FBXL8: variants seen among roughly 807,000 people sequenced by gnomAD.
FBXL8 encodes F-box/LRR-repeat protein 8.
Under a neutral mutation model 8.2 loss-of-function variants are expected in FBXL8, and 13 were observed. The observed-to-expected ratio is 1.58, with a 90% CI of 1.03 to 2.51. FBXL8 has a LOEUF of 2.51. Among genes scored for constraint, FBXL8 ranks in the 30% most tolerant of loss-of-function variants. The pLI is 0.00. For synonymous variants in FBXL8, 271 were observed against 260.5 expected, an observed-to-expected ratio of 1.04 and a Z score of -0.39; for missense variants, 565 against 540.4, an observed-to-expected ratio of 1.05 and a Z score of -0.45.
rs142827853 is a variant in FBXL8, at chr16:67,161,869, C to T, written c.84C>T (p.Ala28=). 124 of 1,610,654 alleles carry T rather than the reference C, an allele frequency of 7.7e-5. No homozygotes were observed. The highest frequency in any genetic ancestry group is 1.6e-4 in the Middle Eastern group (1 of 6,078). ...RHLSLRDRAA[A]ARVCRAWAAA... is the part of the protein sequence containing the mutation. ...TGTCCCTGAGAGACCGTGCTGCCGCCGCCAGGGTCTGCAGGGCCTGGGCCG... is the reference window on the plus strand; with the variant it reads ...TGTCCCTGAGAGACCGTGCTGCCGCTGCCAGGGTCTGCAGGGCCTGGGCCG... The change falls in exon 2 of 3, where the codon GCC becomes GCT. Residue 28 remains alanine (A), a synonymous_variant. Transcript: ENST00000258200.
In FBXL8 at chr16:67,163,322, A is replaced by G. The variant is rs762093790; in HGVS notation, c.627A>G (p.Glu209=). The G allele has an allele frequency of 7.6e-6, 12 of 1,572,806 alleles. No individual in the cohort carries two copies. Among genetic ancestry groups the G allele is most frequent in the Non-Finnish European group, 9.5e-6 (11 of 1,162,906 alleles). The part of the protein sequence containing the change: ...HLASLSHAIL[E]ALAAPDRAPF... ...CCAGTTTGTCGCACGCCATCCTCGA[A>G]GCACTGGCGGCGCCAGACCGAGCGC... The change falls in exon 3 of 3, where the codon GAA becomes GAG. Residue 209 remains glutamate, a synonymous_variant. Transcript: ENST00000258200.
In FBXL8 at chr16:67,163,672, G is replaced by GCTGCGCGGCC; in HGVS notation, c.985_994dup (p.Glu332GlyfsTer76). Reference sequence around the variant, plus strand: ...GCCGCGCTGGAGGAGCTGGCGGCGCGCTGCGCGGCCCTGCGCGAGGTGCAT... The same window carrying GCTGCGCGGCC: ...GCCGCGCTGGAGGAGCTGGCGGCGCGCTGCGCGGCCCTGCGCGGCCCTGCGCGAGGTGCAT... On this transcript the variant is annotated frameshift_variant, in exon 3 of 3. Coordinates refer to ENST00000258200, the MANE Select transcript of FBXL8 (RefSeq NM_018378.3). LOFTEE classifies it high-confidence loss of function. 1 of 1,576,436 alleles carries GCTGCGCGGCC rather than the reference G, an allele frequency of 6.3e-7. No homozygotes were observed. The highest frequency in any genetic ancestry group is 2.3e-5 in the East Asian group (1 of 42,952).
intron 2 of FBXL8, chr16:67,162,195 G>A: frequency 2.5e-6 from 1 of 406,662 alleles, no homozygotes; most frequent in Admixed American, 4.1e-5. Flanking sequence ...CGGGCATGGT[G>A]GTGGGCGCCT....
In FBXL8 at chr16:67,163,320, G is replaced by C. The variant is rs375713237; in HGVS notation, c.625G>C (p.Glu209Gln). Residue 209 changes from glutamate to glutamine, a missense_variant, in exon 3 of 3, where the codon GAA becomes CAA. Glu to Gln is a conservative substitution (Grantham distance 29, BLOSUM62 2). Transcript: ENST00000258200. ...HLASLSHAIL[E>Q]ALAAPDRAPF... is the part of the protein sequence containing the mutation. ...AGCCAGTTTGTCGCACGCCATCCTC[G>C]AAGCACTGGCGGCGCCAGACCGAGC... The C allele has an allele frequency of 6.4e-7, 1 of 1,573,492 alleles. No individual in the cohort carries two copies. Among genetic ancestry groups the C allele is most frequent in the Non-Finnish European group, 8.6e-7 (1 of 1,163,162 alleles).
Position 67,161,988 on chromosome 16 carries a change from G to T in FBXL8, c.152+51G>T, listed in dbSNP as rs566647316. 3.3e-6 allele frequency: 5 copies of T among 1,524,066 alleles called. No homozygotes were observed. In the Admixed American group the frequency reaches 1.0e-4, roughly 31 times the overall value. The allele number at this position is 1,524,066 out of a possible 1,614,324, so 94.4% of individuals were successfully genotyped here. A position where few individuals can be genotyped will look rare whatever the true frequency, so the allele number is the denominator to read the frequency against. On this transcript the variant is annotated intron_variant, in intron 2 of 2. Coordinates refer to ENST00000258200, the MANE Select transcript of FBXL8 (RefSeq NM_018378.3). The stretch of plus-strand genomic sequence containing the variant: ...TCCCCACCGCCCACTCACCTTCTCC[G>T]TGGAGTCGTGGGCTAGGTAGATATT...
rs1287380668 is a variant in FBXL8 at position 67,163,159 on chromosome 16, T to G, written c.464T>G (p.Leu155Arg). ...TTCACACTGGACGACGCGCTGGTGC[T>G]GCAGGCGGCGCGCAGCTGTCCCGAG... ...LSFTLDDALV[L>R]QAARSCPELH... Residue 155 changes from leucine to arginine, a missense_variant, in exon 3 of 3, where the codon CTG becomes CGG. Physicochemically the swap from Leu to Arg is moderately radical, Grantham distance 102. Coordinates refer to ENST00000258200, the MANE Select transcript of FBXL8 (RefSeq NM_018378.3). The G allele has an allele frequency of 1.3e-6, 2 of 1,565,524 alleles. No homozygotes were observed. Among genetic ancestry groups the G allele is most frequent in the Non-Finnish European group, 1.7e-6 (2 of 1,156,486 alleles).
chr16:67,164,066 C>T lies in FBXL8; in HGVS notation c.*246C>T. 1 of 705,014 alleles carries T rather than the reference C, an allele frequency of 1.4e-6. No individual in the cohort carries two copies. Among genetic ancestry groups the T allele is most frequent in the Non-Finnish European group, 2.6e-6 (1 of 390,448 alleles). 43.7% of individuals were successfully genotyped at this position (705,014 alleles called of 1,614,324 possible). ...GACACACTGCCCCCCTCTCTTGCCT[C>T]CACCCCTCTGCGGACTCTGCAGCTC... On this transcript the variant is annotated 3_prime_UTR_variant, in exon 3 of 3. Coordinates refer to ENST00000258200, the MANE Select transcript of FBXL8 (RefSeq NM_018378.3).
chr16:67,161,418 G>A (rs1224382181), intron 1 of FBXL8, among the ~76,000 whole-genome samples: 1 of 151,000 alleles, frequency 6.6e-6, no homozygotes, highest in Non-Finnish European at 1.5e-5. Flanking sequence ...ACTCCAGCCT[G>A]GGTAAAGAGC....
rs1385732231 is a variant in FBXL8, at chr16:67,164,051, C to T, written c.*231C>T. The T allele has an allele frequency of 1.4e-6, 1 of 715,608 alleles. No individual in the cohort carries two copies. 44.3% of individuals were successfully genotyped at this position (715,608 alleles called of 1,614,324 possible). The stretch of plus-strand genomic sequence containing the variant: ...ACCCGCTCGGTCCTGGACACACTGC[C>T]CCCCTCTCTTGCCTCCACCCCTCTG... On this transcript the variant is annotated 3_prime_UTR_variant, in exon 3 of 3. Coordinates refer to ENST00000258200, the MANE Select transcript of FBXL8 (RefSeq NM_018378.3).
In FBXL8 at chr16:67,163,640, G is replaced by T; in HGVS notation, c.945G>T (p.Glu315Asp). The T allele has an allele frequency of 6.4e-7, 1 of 1,567,530 alleles. No individual in the cohort carries two copies. ...ALEVRAAASA[E>D]LNAALEELAA... Reference sequence around the variant, plus strand: ...AGGTGCGCGCAGCCGCTTCGGCCGAGCTGAACGCCGCGCTGGAGGAGCTGG... The same window carrying T: ...AGGTGCGCGCAGCCGCTTCGGCCGATCTGAACGCCGCGCTGGAGGAGCTGG... Residue 315 changes from glutamate to aspartate, a missense_variant, in exon 3 of 3, where the codon GAG becomes GAT. Transcript: ENST00000258200.
In FBXL8 at chr16:67,163,155, G is replaced by C; in HGVS notation, c.460G>C (p.Val154Leu). The C allele has an allele frequency of 3.8e-6, 6 of 1,567,300 alleles. No individual in the cohort carries two copies. The highest frequency in any genetic ancestry group is 5.2e-6 in the Non-Finnish European group (6 of 1,157,386). The change falls in exon 3 of 3, where the codon GTG (valine) becomes CTG (leucine). Residue 154 changes from valine (V) to leucine (L), a missense_variant. Physicochemically the swap from Val to Leu is conservative, Grantham distance 32. Coordinates refer to ENST00000258200, the MANE Select transcript of FBXL8 (RefSeq NM_018378.3). ...RLSFTLDDAL[V>L]LQAARSCPEL... ...GTCCTTCACACTGGACGACGCGCTGGTGCTGCAGGCGGCGCGCAGCTGTCC... is the reference window on the plus strand; with the variant it reads ...GTCCTTCACACTGGACGACGCGCTGCTGCTGCAGGCGGCGCGCAGCTGTCC...
chr16:67,163,769 C>T lies in FBXL8; in HGVS notation c.1074C>T (p.Thr358=), dbSNP rs756924028. 2 of 1,579,084 alleles carry T rather than the reference C, an allele frequency of 1.3e-6. No homozygotes were observed. The highest frequency in any genetic ancestry group is 1.7e-6 in the Non-Finnish European group (2 of 1,172,274). ...ACTGCCCGCGCCTGCGCACCTATAC[C>T]CTCAAGCTCACGCGCGAGCCGCATC... The part of the protein sequence containing the change: ...RAHCPRLRTY[T]LKLTREPHPW... Residue 358 remains threonine, a synonymous_variant, in exon 3 of 3, where the codon ACC becomes ACT. Coordinates refer to ENST00000258200, the MANE Select transcript of FBXL8 (RefSeq NM_018378.3).
In FBXL8 at chr16:67,163,242, G is replaced by A; in HGVS notation, c.547G>A (p.Val183Met). ...TLVGSVGPGS[V>M]LELLEACPRL... ...AGTGGGCAGCGTGGGTCCCGGCTCA[G>A]TGCTCGAGCTACTGGAGGCCTGCCC... Residue 183 changes from valine to methionine, a missense_variant, in exon 3 of 3, where the codon GTG becomes ATG. Transcript: ENST00000258200. 6.4e-7 allele frequency: 1 copy of A among 1,566,682 alleles called. No individual in the cohort carries two copies. The highest frequency in any genetic ancestry group is 1.2e-5 in the South Asian group (1 of 86,022).
chr16:67,161,697 G>C, intron 1 of FBXL8, 38 bp from the exon 2 acceptor site: 1 of 1,430,838 alleles, frequency 7.0e-7, no homozygotes, highest in Non-Finnish European at 9.2e-7. Context: ...GCAACACTTT[G>C]CGCCTTCCCG....
intron 2 of FBXL8, 117 bp from the exon 3 acceptor site, chr16:67,162,731 G>C: frequency 7.2e-7 from 1 of 1,385,204 alleles, no homozygotes; most frequent in Middle Eastern, 2.0e-4. Context: ...ACAGAGACGT[G>C]GGGAGGGAGG....
chr16:67,160,040 T>C lies in FBXL8; in HGVS notation c.-68T>C, dbSNP rs2145911102. 6.6e-6 allele frequency: 1 copy of C among 152,352 alleles called. No individual in the cohort carries two copies. The highest frequency in any genetic ancestry group is 2.1e-4 in the South Asian group (1 of 4,830). The allele number at this position is 152,352 out of a possible 1,614,324, so 9.4% of individuals were successfully genotyped here. ...AGTCCCCTGCCCCGGGCAAAGCCCATCTGGTCCGCCGAGCAGGTAAGACAC... is the reference window on the plus strand; with the variant it reads ...AGTCCCCTGCCCCGGGCAAAGCCCACCTGGTCCGCCGAGCAGGTAAGACAC... On this transcript the variant is annotated 5_prime_UTR_variant, in exon 1 of 3. Transcript: ENST00000258200.
Position 67,163,624 on chromosome 16 carries a change from C to T in FBXL8, c.929C>T (p.Ala310Val). 1 of 1,564,990 alleles carries T rather than the reference C, an allele frequency of 6.4e-7. No homozygotes were observed. The highest frequency in any genetic ancestry group is 8.6e-7 in the Non-Finnish European group (1 of 1,165,566). ...AATLCALEVR[A>V]AASAELNAAL... is the part of the protein sequence containing the mutation. ...ACCCTGTGCGCGCTCGAGGTGCGCGCAGCCGCTTCGGCCGAGCTGAACGCC... is the reference window on the plus strand; with the variant it reads ...ACCCTGTGCGCGCTCGAGGTGCGCGTAGCCGCTTCGGCCGAGCTGAACGCC... The change falls in exon 3 of 3, where the codon GCA (alanine) becomes GTA (valine). Residue 310 changes from alanine to valine, a missense_variant. Coordinates refer to ENST00000258200, the MANE Select transcript of FBXL8 (RefSeq NM_018378.3).
rs549741253 is a variant in FBXL8 at position 67,163,784 on chromosome 16, C to T, written c.1089C>T (p.Arg363=). 3.8e-6 allele frequency: 6 copies of T among 1,566,676 alleles called. No homozygotes were observed. The highest frequency in any genetic ancestry group is 3.7e-5 in the Admixed American group (2 of 53,472). Residue 363 remains arginine, a synonymous_variant, in exon 3 of 3, where the codon CGC becomes CGT. Transcript: ENST00000258200. ...RLRTYTLKLT[R]EPHPWRPTLV... Reference sequence around the variant, plus strand: ...GCACCTATACCCTCAAGCTCACGCGCGAGCCGCATCCCTGGAGGCCTACGC... The same window carrying T: ...GCACCTATACCCTCAAGCTCACGCGTGAGCCGCATCCCTGGAGGCCTACGC...
At chr16:67,160,521 G>A (rs896718232) in intron 1 of FBXL8, among the ~76,000 whole-genome samples, 1 of 152,176 alleles carries the variant, frequency 6.6e-6, no homozygotes, top group African/African-American at 2.4e-5. Flanking sequence ...GACCAGCCTG[G>A]CCAATATGGT....
Sources: allele counts gnomAD v4.1 joint callset (sites outside exome capture counted in the v4.1 genomes callset), GRCh38; gene constraint gnomAD v4.1.1; transcripts MANE v1.5; gene names NCBI Gene and HGNC (gene_info 2026-07-23, HGNC 2026-07-21).